CENPV: variants seen among roughly 807,000 people sequenced by gnomAD.
CENPV encodes the protein centromere protein V, also known as nuclear protein p30.
In CENPV, 15 loss-of-function variants were observed where a neutral mutation model predicts 26.4. The ratio of observed to expected loss-of-function variants is 0.57; its 90% CI spans 0.38 to 0.88. CENPV has a LOEUF of 0.88. Ranked by LOEUF, CENPV falls within the 40% of genes least tolerant of loss-of-function variation. The pLI is 0.00. For synonymous variants in CENPV, 172 were observed against 165.5 expected (o/e 1.04, Z -0.30); for missense variants, 336 against 376.5 (o/e 0.89, Z 0.89).
At chr17:16,344,572 C>T in intron 4 of CENPV, 25 bp downstream of exon 4, 1 of 1,403,112 alleles carries the variant, frequency 7.1e-7, no homozygotes, top group South Asian at 1.3e-5. Flanking sequence ...TCCCCCTGAG[C>T]TTGCAGTCCA....
intron 1 of CENPV, among the ~76,000 whole-genome samples, chr17:16,350,322 T>C (rs1235025373): frequency 6.6e-6 from 1 of 152,182 alleles, no homozygotes; most frequent in Non-Finnish European, 1.5e-5. Flanking sequence ...CCAGACATTT[T>C]TATTTATATG....
chr17:16,345,790 T>C (rs1046761370), intron 3 of CENPV, among the ~76,000 whole-genome samples: 1 of 152,240 alleles, frequency 6.6e-6, no homozygotes, highest in Admixed American at 6.5e-5. Context: ...CCAGGGCCTA[T>C]GTGGAGAGAC....
At chr17:16,349,335 T>C (rs2093220094) in intron 2 of CENPV, 4 of 985,712 alleles carry the variant, frequency 4.1e-6, no homozygotes, top group Non-Finnish European at 4.8e-6. Context: ...TTCCGGTACC[T>C]AGGGGCAAAA....
chr17:16,348,446 T>C (rs1399078808), intron 3 of CENPV, 170 bp downstream of exon 3: 1 of 1,424,020 alleles, frequency 7.0e-7, no homozygotes. Context: ...CGTGAGCCAC[T>C]GTGCCGGGCC....
At chr17:16,348,840 T>C (rs924351877) in intron 2 of CENPV, 155 bp from the exon 3 acceptor site, 14 of 1,429,272 alleles carry the variant, frequency 9.8e-6, no homozygotes, top group Non-Finnish European at 1.3e-5. Flanking sequence ...TGGATAGCAG[T>C]GCCTCTGGTT....
chr17:16,346,893 C>T (rs2093209232), intron 3 of CENPV, among the ~76,000 whole-genome samples: 1 of 151,208 alleles, frequency 6.6e-6, no homozygotes, highest in African/African-American at 2.4e-5. Context: ...CTCTGTTATC[C>T]AGGCTGGAGT....
chr17:16,349,331 T>G, intron 2 of CENPV: 2 of 985,806 alleles, frequency 2.0e-6, no homozygotes, highest in Non-Finnish European at 2.4e-6. Flanking sequence ...ATAATTCCGG[T>G]ACCTAGGGGC....
Position 16,344,584 on chromosome 17 carries a change from C to A in CENPV, c.694+13G>T. 1 of 1,506,644 alleles carries A rather than the reference C, an allele frequency of 6.6e-7. No homozygotes were observed. Among genetic ancestry groups the A allele is most frequent in the Non-Finnish European group, 9.0e-7 (1 of 1,111,778 alleles). The allele number at this position is 1,506,644 out of a possible 1,614,324, so 93.3% of individuals were successfully genotyped here. ...GTGTCCCCCTGAGCTTGCAGTCCAT[C>A]CCCTTTACTCACCGAAGCCTCCGGG... On this transcript the variant is annotated intron_variant, in intron 4 of 4. Transcript: ENST00000299736.
chr17:16,348,970 G>A, intron 2 of CENPV: 1 of 1,117,622 alleles, frequency 8.9e-7, no homozygotes, highest in Non-Finnish European at 1.1e-6. Flanking sequence ...ACAGTGAAGA[G>A]AAGCGCTGGA....
chr17:16,349,316 C>A, intron 2 of CENPV: 1 of 985,944 alleles, frequency 1.0e-6, no homozygotes, highest in Non-Finnish European at 1.2e-6. Flanking sequence ...GCTTATTATT[C>A]ATATATAATT....
At chr17:16,350,837 T>G (rs1452041286) in intron 1 of CENPV, 1 of 152,206 alleles carries the variant, frequency 6.6e-6, no homozygotes, top group East Asian at 1.9e-4. Flanking sequence ...AGAAGAGCCT[T>G]TTGAGAAACT....
chr17:16,345,292 C>G (rs2093201665), intron 3 of CENPV, among the ~76,000 whole-genome samples: 1 of 141,178 alleles, frequency 7.1e-6, no homozygotes, highest in Non-Finnish European at 1.5e-5. Context: ...CACCTTTGGC[C>G]AGGCATGGTG....
At position 16,349,977 on chromosome 17, in the gene CENPV, G is replaced by A. The variant is rs1443627822; in HGVS notation, c.463C>T (p.Arg155Cys). The change falls in exon 2 of 5, where the codon CGT (arginine) becomes TGT (cysteine). Residue 155 changes from arginine (R) to cysteine (C), a missense_variant. By Grantham distance (180) the Arg-to-Cys change is radical. Transcript: ENST00000299736. ...TCTGCTGAGGCCCAAACTTCAAAAC[G>A]AACTGCTCCACAGTGGCAGCCTCCT... Reference protein sequence around the residue: ...HTGGCHCGAVRFEVWASADLH... With the variant: ...HTGGCHCGAVCFEVWASADLH... 4 of 1,613,726 alleles carry A rather than the reference G, an allele frequency of 2.5e-6. No homozygotes were observed. The highest frequency in any genetic ancestry group is 2.5e-6 in the Non-Finnish European group (3 of 1,179,948).
intron 2 of CENPV, 57 bp downstream of exon 2, chr17:16,349,869 GAAATA>G: frequency 6.3e-7 from 1 of 1,593,934 alleles, no homozygotes; most frequent in Non-Finnish European, 8.5e-7. Context: ...AGATTATTTT[GAAATA>G]TTGCATTTTA....
chr17:16,344,650 T>C lies in CENPV; in HGVS notation c.641A>G (p.Lys214Arg). 6.2e-7 allele frequency: 1 copy of C among 1,600,904 alleles called. No homozygotes were observed. Among genetic ancestry groups the C allele is most frequent in the Non-Finnish European group, 8.5e-7 (1 of 1,174,160 alleles). The change falls in exon 4 of 5, where the codon AAG becomes AGG. Residue 214 changes from lysine to arginine, a missense_variant. Physicochemically the swap from Lys to Arg is conservative, Grantham distance 26 (BLOSUM62 2). Coordinates refer to ENST00000299736, the MANE Select transcript of CENPV (RefSeq NM_181716.3). ...ATAGAAGCTCTGAACGCCACATCTCTTACAGAAGGTATGCTGGGCTTTGTG... is the reference window on the plus strand; with the variant it reads ...ATAGAAGCTCTGAACGCCACATCTCCTACAGAAGGTATGCTGGGCTTTGTG... The part of the protein sequence containing the change: ...NTHKAQHTFC[K>R]RCGVQSFYTP...
In CENPV at chr17:16,353,031, T is replaced by C. The variant is rs774966287; in HGVS notation, c.406A>G (p.Thr136Ala). The part of the protein sequence containing the change: ...SEGAAKLLLD[T>A]FEYQGLVKHT... ...CCCCCGGCCCGCCGCACTCACAAGG[T>C]GTCTAGCAGGAGCTTGGCGGCACCC... The change falls in exon 1 of 5, where the codon ACC (threonine) becomes GCC (alanine). Residue 136 changes from threonine to alanine, a missense_variant. Physicochemically the swap from Thr to Ala is moderately conservative, Grantham distance 58. Around this residue, in one of 2 missense-constraint regions of CENPV, gnomAD observed 155 missense variants for 227.8 expected, o/e 0.68. Transcript: ENST00000299736. 2 of 1,571,392 alleles carry C rather than the reference T, an allele frequency of 1.3e-6. No homozygotes were observed. The highest frequency in any genetic ancestry group is 1.1e-5 in the South Asian group (1 of 88,496).
chr17:16,352,666 C>T (rs1444432082), intron 1 of CENPV, among the ~76,000 whole-genome samples: 1 of 152,108 alleles, frequency 6.6e-6, no homozygotes, highest in Non-Finnish European at 1.5e-5. Flanking sequence ...GATTTATGTT[C>T]TTTTCACTAA....
At chr17:16,351,073 C>G (rs574382236) in intron 1 of CENPV, 1 of 152,138 alleles carries the variant, frequency 6.6e-6, no homozygotes, top group African/African-American at 2.4e-5. Context: ...GCTGGGATTA[C>G]AGGCGCCCAC....
intron 3 of CENPV, 59 bp from the exon 4 acceptor site, chr17:16,344,770 A>C: frequency 1.1e-6 from 1 of 879,506 alleles, no homozygotes; most frequent in South Asian, 2.0e-5. Flanking sequence ...TATTTAATTT[A>C]TTTATTTATT....
Sources: allele counts gnomAD v4.1 joint callset (sites outside exome capture counted in the v4.1 genomes callset), GRCh38; gene constraint gnomAD v4.1.1; regional missense constraint gnomAD v4.1.1; transcripts MANE v1.5; gene names NCBI Gene and HGNC (gene_info 2026-07-23, HGNC 2026-07-21).